Variants in IPO5 observed in about 807,000 individuals in gnomAD.
The protein encoded by IPO5 is importin 5.
IPO5 carries 18 observed loss-of-function variants against 143.3 expected under a neutral mutation model. The observed-to-expected ratio is 0.13, with a 90% confidence interval of 0.09 to 0.19. The LOEUF (loss-of-function observed/expected upper bound fraction) is 0.19, where lower values mean the gene tolerates loss of function less well. IPO5 is among the 10% of genes least tolerant of loss of function. IPO5 has a pLI of 1.00. For synonymous variants in IPO5, 477 were observed against 465.7 expected, an observed-to-expected ratio of 1.02 and a Z score of -0.31; for missense variants, 1,013 against 1,336.9, an observed-to-expected ratio of 0.76 and a Z score of 3.78.
At chr13:98,007,929 A>G (rs1362468123) in intron 17 of IPO5, 130 bp from the exon 18 acceptor site, 4 of 597,662 alleles carry the variant, frequency 6.7e-6, no homozygotes, top group African/African-American at 1.9e-5. Flanking sequence ...GAATTTTTCA[A>G]TATGATAGTT....
intron 3 of IPO5, among the ~76,000 whole-genome samples, chr13:97,971,981 C>T (rs1383168266): frequency 1.3e-5 from 2 of 152,044 alleles, no homozygotes; most frequent in Non-Finnish European, 2.9e-5. Flanking sequence ...GAAAACAAAG[C>T]CAGCATTCTT....
At position 98,019,801 on chromosome 13, in the gene IPO5, G is replaced by A. The variant is rs1031657253; in HGVS notation, c.3057G>A (p.Leu1019=). The stretch of plus-strand genomic sequence containing the variant: ...AGACTTTCAATTATCTGTGTGACCT[G>A]ATTGAAAGGTAGGAAAGCAGACTGT... ...AVQTFNYLCD[L]IESNHPIVLG... Residue 1019 remains leucine, a synonymous_variant, in exon 27 of 29, where the codon CTG becomes CTA. Coordinates refer to ENST00000651721, the MANE Select transcript of IPO5 (RefSeq NM_002271.6). 3 of 1,605,462 alleles carry A rather than the reference G, an allele frequency of 1.9e-6. No homozygotes were observed. The African/African-American group carries it at 4.0e-5, about 21-fold the overall frequency.
intron 11 of IPO5, among the ~76,000 whole-genome samples, chr13:97,994,970 AC>A (rs1888124774): frequency 1.3e-5 from 2 of 152,008 alleles, no homozygotes; most frequent in South Asian, 4.2e-4. Flanking sequence ...TGCCAAAAAT[AC>A]AAAAATTAGT....
chr13:97,984,393 A>T (rs373703376), intron 5 of IPO5, among the ~76,000 whole-genome samples: 17 of 152,208 alleles, frequency 1.1e-4, no homozygotes, highest in African/African-American at 4.1e-4. Context: ...ACTTGTATTA[A>T]GCCTTATTTA....
At chr13:98,017,302 A>G (rs184350190) in intron 25 of IPO5, among the ~76,000 whole-genome samples, 2 of 150,462 alleles carry the variant, frequency 1.3e-5, no homozygotes, top group Admixed American at 1.3e-4. Context: ...TGATTTTTTT[A>G]AAATGTTTTA....
At chr13:97,959,865 T>C (rs942692531) in intron 2 of IPO5, among the ~76,000 whole-genome samples, 1 of 152,172 alleles carries the variant, frequency 6.6e-6, no homozygotes, top group African/African-American at 2.4e-5. Flanking sequence ...ATTATCTGAA[T>C]TCTTTCAAAA....
At chr13:98,002,365 T>C in intron 13 of IPO5, 102 bp from the exon 14 acceptor site, 2 of 1,168,674 alleles carry the variant, frequency 1.7e-6, no homozygotes, top group Non-Finnish European at 2.4e-6. Flanking sequence ...CAAAAAAGTT[T>C]TGTTACTCTT....
intron 12 of IPO5, among the ~76,000 whole-genome samples, chr13:97,998,417 C>T (rs2139744536): frequency 1.3e-5 from 2 of 152,194 alleles, no homozygotes; most frequent in East Asian, 3.9e-4. Context: ...CAGAGACTTC[C>T]CTTAGAATAA....
At chr13:98,009,555 T>A (rs944505807) in intron 18 of IPO5, among the ~76,000 whole-genome samples, 2 of 152,196 alleles carry the variant, frequency 1.3e-5, no homozygotes, top group Non-Finnish European at 2.9e-5. Context: ...GTGTTTGGTT[T>A]TGTTTAGGTG....
At chr13:97,958,018 C>G (rs987190012) in intron 2 of IPO5, among the ~76,000 whole-genome samples, 2 of 151,956 alleles carry the variant, frequency 1.3e-5, no homozygotes, top group Non-Finnish European at 2.9e-5. Flanking sequence ...AAGAAAGAAA[C>G]CCTTGCAATC....
rs148127577 is a variant in IPO5 at position 98,010,862 on chromosome 13, C to T, written c.2055+638C>T. Among the ~76,000 whole-genome samples, 210 of 138,774 alleles carry T rather than the reference C, an allele frequency of 1.5e-3. 1 individual carries two copies. The highest frequency in any genetic ancestry group is 5.4e-3 in the African/African-American group (195 of 36,222). 91.0% of individuals were successfully genotyped at this position (138,774 alleles called of 152,430 possible). A position where few individuals can be genotyped will look rare whatever the true frequency, so the allele number is the denominator to read the frequency against. On this transcript the variant is annotated intron_variant, in intron 20 of 28. Coordinates refer to ENST00000651721, the MANE Select transcript of IPO5 (RefSeq NM_002271.6). ...GTGGCACGATCTCGACTCACTGCAA[C>T]CTCCACCTCTGGCGTTCAGTTGATT... is the stretch of plus-strand genomic sequence containing the variant.
At position 97,975,252 on chromosome 13, in the gene IPO5, CG is replaced by C. The variant is rs71213659; in HGVS notation, c.-4-1433del. On this transcript the variant is annotated intron_variant, in intron 3 of 28. Coordinates refer to ENST00000651721, the MANE Select transcript of IPO5 (RefSeq NM_002271.6). ...TTGGGAGGCCGAGGCGGGGGGAGGG[CG>C]GGGGGGGCTGGTATCGCCTGAGGTC... Among the ~76,000 whole-genome samples, 175 of 35,200 alleles carry C rather than the reference CG, an allele frequency of 5.0e-3. 1 individual carries two copies. The highest frequency in any genetic ancestry group is 0.015 in the African/African-American group (157 of 10,652). The allele number at this position is 35,200 out of a possible 152,430, so 23.1% of individuals were successfully genotyped here.
In IPO5 at chr13:97,979,989, G is replaced by A. The variant is rs759540576; in HGVS notation, c.91-2514G>A. ...TATGGAATGAGATGAGTACATATGAGCATTTCTTCTTCGTGGGCAGGGAAG... is the reference window on the plus strand; with the variant it reads ...TATGGAATGAGATGAGTACATATGAACATTTCTTCTTCGTGGGCAGGGAAG... On this transcript the variant is annotated intron_variant, in intron 4 of 28. Coordinates refer to ENST00000651721, the MANE Select transcript of IPO5 (RefSeq NM_002271.6). The A allele has an allele frequency of 9.9e-5, 45 of 455,386 alleles. 1 individual carries two copies. Among genetic ancestry groups the A allele is most frequent in the South Asian group, 6.8e-4 (44 of 64,394 alleles). 28.2% of individuals were successfully genotyped at this position (455,386 alleles called of 1,614,324 possible). A position where few individuals can be genotyped will look rare whatever the true frequency, so the allele number is the denominator to read the frequency against.
intron 6 of IPO5, chr13:97,988,132 A>G (rs588144): frequency 0.62 from 102,536 of 165,768 alleles, 33,432 homozygotes; most frequent in African/African-American, 0.84. Context: ...GGTCTTTGTG[A>G]CAATATAACC....
intron 3 of IPO5, 61 bp from the exon 4 acceptor site, chr13:97,976,632 G>C: frequency 1.0e-5 from 6 of 574,350 alleles, no homozygotes; most frequent in Admixed American, 7.1e-5. Context: ...CGCCCCTCCC[G>C]CGGCCCGCGA....
chr13:97,975,687 G>T (rs985573554), intron 3 of IPO5: 1 of 152,348 alleles, frequency 6.6e-6, no homozygotes, highest in Non-Finnish European at 1.5e-5. Context: ...TGTAAACCAG[G>T]GCTCCTTTAG....
At chr13:97,979,986 T>C (rs1043083095) in intron 4 of IPO5, 3 of 456,100 alleles carry the variant, frequency 6.6e-6, no homozygotes, top group African/African-American at 6.0e-5. Flanking sequence ...TGAGTACATA[T>C]GAGCATTTCT....
In IPO5 at chr13:98,010,780, C is replaced by CGTTTTTTTTTTTTGTTTTGTTT. The variant is rs1889639079; in HGVS notation, c.2055+556_2055+557insGTTTTTTTTTTTTGTTTTGTTT. On this transcript the variant is annotated intron_variant, in intron 20 of 28. Transcript: ENST00000651721. ...ATGCGTTTTAAAGTGAAGGATAATC[C>CGTTTTTTTTTTTTGTTTTGTTT]TTTTTTTTTTTTTTTTTTGAGGTGG... is the stretch of plus-strand genomic sequence containing the variant. 1.0e-4 allele frequency among the ~76,000 whole-genome samples: 7 copies of CGTTTTTTTTTTTTGTTTTGTTT among 70,032 alleles called. 1 individual carries two copies. Among genetic ancestry groups the CGTTTTTTTTTTTTGTTTTGTTT allele is most frequent in the African/African-American group, 5.7e-4 (6 of 10,536 alleles). The allele number at this position is 70,032 out of a possible 152,430, so 45.9% of individuals were successfully genotyped here. A position where few individuals can be genotyped will look rare whatever the true frequency, so the allele number is the denominator to read the frequency against.
intron 11 of IPO5, among the ~76,000 whole-genome samples, chr13:97,996,883 C>T (rs1417018483): frequency 1.3e-5 from 2 of 152,234 alleles, no homozygotes; most frequent in Non-Finnish European, 1.5e-5. Context: ...TAAGCCACCG[C>T]GCCTAGACTT....
Sources: gnomAD v4.1 joint callset for allele counts (sites outside exome capture counted in the v4.1 genomes callset) on GRCh38, gnomAD v4.1.1 for gene constraint, MANE v1.5 for transcripts, NCBI Gene and HGNC (gene_info 2026-07-23, HGNC 2026-07-21) for gene names.